Variants in METTL8 observed in about 807,000 individuals in gnomAD.
METTL8 encodes the protein methyltransferase 8, tRNA N3-cytidine.
A neutral mutation model predicts 48.7 loss-of-function variants in METTL8; 32 were observed. The ratio of observed to expected loss-of-function variants is 0.66; its 90% confidence interval spans 0.50 to 0.88. The LOEUF (loss-of-function observed/expected upper bound fraction) is 0.88, where lower values mean the gene tolerates loss of function less well. METTL8 is among the 40% of genes least tolerant of loss of function. METTL8 has a pLI of 0.00. For missense variants in METTL8, 464 were observed against 474.4 expected, an observed-to-expected ratio of 0.98 and a Z score of 0.20; for synonymous variants, 136 against 157.1, an observed-to-expected ratio of 0.87 and a Z score of 1.01.
At chr2:171,418,809 G>C (rs1011442256) in intron 1 of METTL8, among the ~76,000 whole-genome samples, 3 of 152,014 alleles carry the variant, frequency 2.0e-5, no homozygotes, top group African/African-American at 7.3e-5. Flanking sequence ...CAAAAAATTA[G>C]CCAGGCATAG....
intron 2 of METTL8, among the ~76,000 whole-genome samples, chr2:171,378,083 TAAC>T (rs1687154818): frequency 6.6e-6 from 1 of 152,114 alleles, no homozygotes. Context: ...AGTTCACACA[TAAC>T]AATATTAACC....
intron 1 of METTL8, among the ~76,000 whole-genome samples, chr2:171,414,962 T>C (rs1436966658): frequency 6.6e-6 from 1 of 152,170 alleles, no homozygotes; most frequent in Non-Finnish European, 1.5e-5. Context: ...CCCCTTTCAC[T>C]TGGCTCACAT....
intron 2 of METTL8, among the ~76,000 whole-genome samples, chr2:171,391,371 C>T (rs1688563947): frequency 6.6e-6 from 1 of 152,194 alleles, no homozygotes; most frequent in Non-Finnish European, 1.5e-5. Context: ...CTGCAGTGGT[C>T]TCAACCAAAC....
At chr2:171,371,807 A>T (rs1161522298) in intron 2 of METTL8, among the ~76,000 whole-genome samples, 2 of 148,998 alleles carry the variant, frequency 1.3e-5, no homozygotes, top group African/African-American at 2.5e-5. Context: ...AATTTTTAAA[A>T]TTTTTAAATT....
At chr2:171,338,292 C>T (rs1303196545) in intron 4 of METTL8, among the ~76,000 whole-genome samples, 4 of 151,978 alleles carry the variant, frequency 2.6e-5, no homozygotes, top group African/African-American at 9.7e-5. Context: ...GCTTATGATG[C>T]CATGTTAAAT....
In METTL8 at chr2:171,356,952, A is replaced by ATGTTTTTTTCTTTTTTTT; in HGVS notation, c.235+3469_235+3470insAAAAAAAAGAAAAAAACA. Among the ~76,000 whole-genome samples the ATGTTTTTTTCTTTTTTTT allele has an allele frequency of 2.5e-5, 2 of 78,468 alleles. 1 individual carries two copies. The highest frequency in any genetic ancestry group is 8.9e-5 in the African/African-American group (2 of 22,448). The allele number at this position is 78,468 out of a possible 152,430, so 51.5% of individuals were successfully genotyped here. On this transcript the variant is annotated intron_variant, in intron 3 of 9. Transcript: ENST00000375258. ...CAAATTAGCCTTGTTCAAAGACAATATTTTTTTTTTTTTTTTTGAGACAGG... is the reference window on the plus strand; with the variant it reads ...CAAATTAGCCTTGTTCAAAGACAATATGTTTTTTTCTTTTTTTTTTTTTTTTTTTTTTTTTGAGACAGG...
intron 2 of METTL8, among the ~76,000 whole-genome samples, chr2:171,380,993 A>C (rs943124086): frequency 2.0e-5 from 3 of 152,248 alleles, no homozygotes; most frequent in Admixed American, 1.3e-4. Flanking sequence ...ACCTGACTTC[A>C]AACTATACTA....
At position 171,319,371 on chromosome 2, in the gene METTL8, T is replaced by TG. The variant is rs1416690501; in HGVS notation, c.*4800dup. On this transcript the variant is annotated 3_prime_UTR_variant, in exon 10 of 10. Coordinates refer to ENST00000375258, the MANE Select transcript of METTL8 (RefSeq NM_001321154.2). ...ATGCAAATGTGAAGTTATCTGCACT[T>TG]GTGAGGAGCATAACAAACATCAAAA... The TG allele has an allele frequency of 6.6e-6, 1 of 152,214 alleles. No homozygotes were observed. Among genetic ancestry groups the TG allele is most frequent in the Non-Finnish European group, 1.5e-5 (1 of 68,042 alleles). The allele number at this position is 152,214 out of a possible 1,614,324, so 9.4% of individuals were successfully genotyped here. A position where few individuals can be genotyped will look rare whatever the true frequency, so the allele number is the denominator to read the frequency against.
At chr2:171,336,769 C>CT (rs1443388948) in intron 5 of METTL8, among the ~76,000 whole-genome samples, 2 of 150,828 alleles carry the variant, frequency 1.3e-5, no homozygotes, top group Non-Finnish European at 1.5e-5. Flanking sequence ...ATTCAATTGT[C>CT]TATGTGTAAA....
chr2:171,411,511 G>A (rs567127000), intron 1 of METTL8, among the ~76,000 whole-genome samples: 46 of 152,204 alleles, frequency 3.0e-4, no homozygotes, highest in African/African-American at 1.1e-3. Flanking sequence ...GTCCAGAAAC[G>A]AGTTAGAATA....
At chr2:171,414,400 A>G (rs1313295584) in intron 1 of METTL8, among the ~76,000 whole-genome samples, 1 of 145,178 alleles carries the variant, frequency 6.9e-6, no homozygotes, top group African/African-American at 2.6e-5. Flanking sequence ...CTGGGCAACA[A>G]GAGCGAAACT....
intron 1 of METTL8, among the ~76,000 whole-genome samples, chr2:171,413,164 C>T (rs574721695): frequency 6.6e-6 from 1 of 152,284 alleles, no homozygotes; most frequent in South Asian, 2.1e-4. Context: ...ATGAAAAATT[C>T]ACTGACAAGG....
chr2:171,387,622 T>C (rs926589975), intron 2 of METTL8, among the ~76,000 whole-genome samples: 1 of 152,008 alleles, frequency 6.6e-6, no homozygotes, highest in African/African-American at 2.4e-5. Context: ...ATCCAAATTT[T>C]CATTCACTTT....
chr2:171,423,745 C>T (rs1461712374), intron 1 of METTL8, among the ~76,000 whole-genome samples: 1 of 152,116 alleles, frequency 6.6e-6, no homozygotes, highest in African/African-American at 2.4e-5. Flanking sequence ...AGAGCATAAA[C>T]GTTTGAAAAA....
At chr2:171,330,747 C>T (rs777054065) in intron 6 of METTL8, 49 bp from the exon 7 acceptor site, 76 of 1,481,238 alleles carry the variant, frequency 5.1e-5, no homozygotes, top group Middle Eastern at 1.8e-4. Context: ...AGTAGACTTC[C>T]GGGATTTTTT....
At chr2:171,420,842 C>T (rs754458410) in intron 1 of METTL8, among the ~76,000 whole-genome samples, 13 of 152,168 alleles carry the variant, frequency 8.5e-5, no homozygotes, top group Non-Finnish European at 1.5e-4. Context: ...ATTCAACATT[C>T]GCTCATGATT....
chr2:171,424,115 T>C (rs539198873), intron 1 of METTL8, among the ~76,000 whole-genome samples: 2 of 152,306 alleles, frequency 1.3e-5, no homozygotes, highest in East Asian at 3.9e-4. Flanking sequence ...CCACGTGTTA[T>C]TGGGCCTGCG....
chr2:171,363,374 CA>C (rs778397591), intron 2 of METTL8, among the ~76,000 whole-genome samples: 1 of 151,826 alleles, frequency 6.6e-6, no homozygotes, highest in Non-Finnish European at 1.5e-5. Context: ...CAACAGCTGA[CA>C]ATAAGAATCA....
Position 171,336,715 on chromosome 2 carries a change from C to T in METTL8, c.656+738G>A, listed in dbSNP as rs368894837. 6.6e-5 allele frequency among the ~76,000 whole-genome samples: 10 copies of T among 152,148 alleles called. No homozygotes were observed. In the South Asian group the frequency reaches 2.1e-3, roughly 32 times the overall value. On this transcript the variant is annotated intron_variant, in intron 5 of 9. Coordinates refer to ENST00000375258, the MANE Select transcript of METTL8 (RefSeq NM_001321154.2). The stretch of plus-strand genomic sequence containing the variant: ...TGCAAACATCTTACATAGGGTGTTG[C>T]TTCAGAAGGGATGACAAAATGAGGC...
Sources: gnomAD v4.1 joint callset for allele counts (sites outside exome capture counted in the v4.1 genomes callset) on GRCh38, gnomAD v4.1.1 for gene constraint, MANE v1.5 for transcripts, NCBI Gene and HGNC (gene_info 2026-07-23, HGNC 2026-07-21) for gene names.